The following ESR2 variants were observed in gnomAD, a reference collection of about 807,000 sequenced individuals.
The protein encoded by ESR2 is estrogen receptor beta.
In ESR2, 36 loss-of-function variants were observed where a neutral mutation model predicts 49.6. That is an observed-to-expected ratio of 0.73 (90% CI 0.56 to 0.96). The LOEUF is 0.96. Among genes scored for constraint, ESR2 ranks in the 40% least tolerant of loss-of-function variants. The pLI, the probability that ESR2 is intolerant of heterozygous loss-of-function variation, is 0.00. For synonymous variants in ESR2, 320 were observed against 266.1 expected (o/e 1.20, Z -1.97); for missense variants, 714 against 693.0 (o/e 1.03, Z -0.34).
intron 1 of ESR2, among the ~76,000 whole-genome samples, chr14:64,324,618 C>A (rs2077367143): frequency 6.6e-6 from 1 of 152,140 alleles, no homozygotes; most frequent in Non-Finnish European, 1.5e-5. Context: ...GAATGATTCA[C>A]AAACAGCTGT....
chr14:64,313,303 C>T (rs141585709), intron 1 of ESR2, among the ~76,000 whole-genome samples: 275 of 152,132 alleles, frequency 1.8e-3, no homozygotes, highest in African/African-American at 6.2e-3. Flanking sequence ...GAGGCCAAGG[C>T]GGGTGTATCA....
At chr14:64,320,025 C>T (rs1293667226) in intron 1 of ESR2, among the ~76,000 whole-genome samples, 1 of 151,846 alleles carries the variant, frequency 6.6e-6, no homozygotes, top group Non-Finnish European at 1.5e-5. Flanking sequence ...AAATTGGAAG[C>T]AACGAAGATT....
intron 3 of ESR2, among the ~76,000 whole-genome samples, chr14:64,277,470 A>C (rs188589251): frequency 3.9e-5 from 6 of 151,946 alleles, no homozygotes; most frequent in Non-Finnish European, 7.4e-5. Context: ...CTAAAAATAC[A>C]AAAAATTAGC....
intron 1 of ESR2, among the ~76,000 whole-genome samples, chr14:64,311,483 T>C (rs911495683): frequency 1.3e-5 from 2 of 151,700 alleles, no homozygotes; most frequent in African/African-American, 4.8e-5. Flanking sequence ...CTACTAAAAA[T>C]ACAAAAATGA....
chr14:64,313,971 G>A (rs1448849789), intron 1 of ESR2, among the ~76,000 whole-genome samples: 1 of 151,222 alleles, frequency 6.6e-6, no homozygotes, highest in Non-Finnish European at 1.5e-5. Context: ...GATAGAATGA[G>A]ATAGATAATC....
At chr14:64,251,220 C>T (rs746298755) in intron 6 of ESR2, among the ~76,000 whole-genome samples, 41 of 151,038 alleles carry the variant, frequency 2.7e-4, no homozygotes, top group Non-Finnish European at 4.1e-4. Flanking sequence ...ACCTTGCCTG[C>T]GGACAATTAA....
intron 1 of ESR2, among the ~76,000 whole-genome samples, chr14:64,327,939 G>A (rs566365827): frequency 6.6e-6 from 1 of 151,686 alleles, no homozygotes; most frequent in East Asian, 1.9e-4. Context: ...GGGCACAGTG[G>A]CTCAAGCCTA....
intron 3 of ESR2, among the ~76,000 whole-genome samples, chr14:64,277,374 C>T (rs1327206317): frequency 6.6e-6 from 1 of 151,874 alleles, no homozygotes; most frequent in African/African-American, 2.4e-5. Flanking sequence ...ACCTGTAATC[C>T]CAGCACTTTG....
intron 1 of ESR2, among the ~76,000 whole-genome samples, chr14:64,307,373 A>T (rs968561278): frequency 1.3e-5 from 2 of 148,814 alleles, no homozygotes; most frequent in Admixed American, 1.3e-4. Flanking sequence ...CACCATGCCC[A>T]GCTAATTTTT....
intron 1 of ESR2, among the ~76,000 whole-genome samples, chr14:64,307,331 C>T (rs2077116849): frequency 6.6e-6 from 1 of 151,130 alleles, no homozygotes; most frequent in Non-Finnish European, 1.5e-5. Context: ...CCTGCCTCAG[C>T]CTCCTGAGTA....
intron 1 of ESR2, among the ~76,000 whole-genome samples, chr14:64,319,707 C>A (rs568038666): frequency 9.9e-5 from 15 of 152,096 alleles, no homozygotes; most frequent in Non-Finnish European, 1.6e-4. Context: ...TAGGGAACTG[C>A]AATTAAAACA....
At chr14:64,227,887 G>C, downstream of ESR2, 2 of 1,597,368 alleles carry the variant, frequency 1.3e-6, no homozygotes, top group East Asian at 2.2e-5. Context: ...ATGACTCTTG[G>C]CACTAAGATA....
chr14:64,261,261 G>T (rs1249658605), intron 4 of ESR2, among the ~76,000 whole-genome samples: 1 of 97,516 alleles, frequency 1.0e-5, no homozygotes, highest in Non-Finnish European at 1.9e-5. Flanking sequence ...TTTTTGAGAC[G>T]GAGCCTTGCT....
chr14:64,281,643 C>G (rs2076670415), intron 2 of ESR2, among the ~76,000 whole-genome samples: 1 of 152,126 alleles, frequency 6.6e-6, no homozygotes, highest in South Asian at 2.1e-4. Flanking sequence ...TTATCTCCCC[C>G]TCTCCTTTCT....
chr14:64,275,160 G>A (rs991989512), intron 3 of ESR2, among the ~76,000 whole-genome samples: 1 of 152,206 alleles, frequency 6.6e-6, no homozygotes, highest in African/African-American at 2.4e-5. Context: ...TTGATTTTGT[G>A]TCTGGATGAT....
chr14:64,235,016 G>A lies in ESR2; in HGVS notation c.1360C>T (p.Arg454Cys), dbSNP rs768924970. Residue 454 changes from arginine (R) to cysteine (C), a missense_variant, in exon 8 of 9, where the codon CGC (arginine) becomes TGC (cysteine). Arg to Cys is a radical substitution (Grantham distance 180, BLOSUM62 -3). Transcript: ENST00000341099. Reference protein sequence around the residue: ...SGISSQQQSMRLANLLMLLSH... With the variant: ...SGISSQQQSMCLANLLMLLSH... Reference sequence around the variant, plus strand: ...AGGAGCATCAGGAGGTTAGCCAGGCGCATGGATTGCTGCTGGGAGGAGATG... The same window carrying A: ...AGGAGCATCAGGAGGTTAGCCAGGCACATGGATTGCTGCTGGGAGGAGATG... 6.8e-6 allele frequency: 11 copies of A among 1,614,204 alleles called. No homozygotes were observed. Among genetic ancestry groups the A allele is most frequent in the South Asian group, 4.4e-5 (4 of 91,080 alleles).
intron 6 of ESR2, among the ~76,000 whole-genome samples, chr14:64,254,482 C>T (rs528223201): frequency 6.6e-6 from 1 of 151,808 alleles, no homozygotes; most frequent in South Asian, 2.1e-4. Flanking sequence ...CGTGGTGACT[C>T]ACGTCTGTAA....
chr14:64,281,481 T>G (rs966519700), intron 2 of ESR2, among the ~76,000 whole-genome samples: 1 of 152,096 alleles, frequency 6.6e-6, no homozygotes, highest in East Asian at 1.9e-4. Flanking sequence ...TTTAAAAAAG[T>G]TATCCACAAT....
chr14:64,232,630 G>A lies in ESR2; in HGVS notation c.*507C>T, dbSNP rs1308670425. 1 of 154,770 alleles carries A rather than the reference G, an allele frequency of 6.5e-6. No individual in the cohort carries two copies. Among genetic ancestry groups the A allele is most frequent in the Non-Finnish European group, 1.4e-5 (1 of 69,490 alleles). The allele number at this position is 154,770 out of a possible 1,614,324, so 9.6% of individuals were successfully genotyped here. ...ATATGATCAGTCCCCACAGGCCTGGGAGGTAAGTACGCAATTGCCACAGGG... is the reference window on the plus strand; with the variant it reads ...ATATGATCAGTCCCCACAGGCCTGGAAGGTAAGTACGCAATTGCCACAGGG... On this transcript the variant is annotated 3_prime_UTR_variant, in exon 9 of 9. Coordinates refer to ENST00000341099, the MANE Select transcript of ESR2 (RefSeq NM_001437.3).
Sources: gnomAD v4.1 joint callset for allele counts (sites outside exome capture counted in the v4.1 genomes callset) on GRCh38, gnomAD v4.1.1 for gene constraint, MANE v1.5 for transcripts, NCBI Gene and HGNC (gene_info 2026-07-23, HGNC 2026-07-21) for gene names.